The following MYH10 variants were observed in gnomAD, a reference collection of about 807,000 sequenced individuals.
The protein encoded by MYH10 is myosin heavy chain 10.
MYH10 carries 55 observed loss-of-function variants against 257.8 expected under a neutral mutation model. That is an observed-to-expected ratio of 0.21 (90% confidence interval 0.17 to 0.27). The LOEUF (loss-of-function observed/expected upper bound fraction) is 0.27, where lower values mean the gene tolerates loss of function less well. MYH10 is among the 10% of genes least tolerant of loss of function. MYH10 has a pLI of 1.00. For missense variants in MYH10, 1,631 were observed against 2,500.6 expected, an observed-to-expected ratio of 0.65 and a Z score of 7.42; for synonymous variants, 854 against 921.7, an observed-to-expected ratio of 0.93 and a Z score of 1.33.
Position 8,569,846 on chromosome 17 carries a change from G to C in MYH10, c.664-34C>G, listed in dbSNP as rs1567915379. Reference sequence around the variant, plus strand: ...CATTACACACACACAAATAAAAGCAGATGTACGTTAATCTAATGTCTTTAC... The same window carrying C: ...CATTACACACACACAAATAAAAGCACATGTACGTTAATCTAATGTCTTTAC... On this transcript the variant is annotated intron_variant, in intron 6 of 42. Transcript: ENST00000360416. The surrounding 1 kb of genome is among the most constrained non-coding windows in gnomAD (Gnocchi z 4.1). 1 of 1,486,954 alleles carries C rather than the reference G, an allele frequency of 6.7e-7. No individual in the cohort carries two copies. The highest frequency in any genetic ancestry group is 9.2e-7 in the Non-Finnish European group (1 of 1,082,622). The allele number at this position is 1,486,954 out of a possible 1,614,324, so 92.1% of individuals were successfully genotyped here. A position where few individuals can be genotyped will look rare whatever the true frequency, so the allele number is the denominator to read the frequency against.
At chr17:8,510,237 T>A (rs1397675396) in intron 24 of MYH10, among the ~76,000 whole-genome samples, 1 of 151,168 alleles carries the variant, frequency 6.6e-6, no homozygotes, top group African/African-American at 2.4e-5. Flanking sequence ...AGAGATGGGG[T>A]TTCACCATGT....
Position 8,492,494 on chromosome 17 carries a change from TCTC to T in MYH10, c.4471_4473del (p.Glu1491del), listed in dbSNP as rs1915923145. The T allele has an allele frequency of 6.2e-7, 1 of 1,611,614 alleles. No homozygotes were observed. The highest frequency in any genetic ancestry group is 1.3e-5 in the African/African-American group (1 of 74,912). On this transcript the variant is annotated inframe_deletion, in exon 34 of 43. Coordinates refer to ENST00000360416, the MANE Select transcript of MYH10 (RefSeq NM_001256012.3). ...TCGGCATAGCGAGCAGAGATGCTCT[TCTC>T]TTCTGCTAACAGCTGTGCAGAAGGG... is the stretch of plus-strand genomic sequence containing the variant.
At chr17:8,583,694 A>G (rs2152034483) in intron 4 of MYH10, among the ~76,000 whole-genome samples, 1 of 152,356 alleles carries the variant, frequency 6.6e-6, no homozygotes, top group Non-Finnish European at 1.5e-5. Context: ...AACGCATGTT[A>G]TTCCTAGCAG....
intron 13 of MYH10, among the ~76,000 whole-genome samples, chr17:8,543,339 CTG>C (rs1345422787): frequency 1.3e-5 from 2 of 152,244 alleles, no homozygotes; most frequent in East Asian, 1.9e-4. Flanking sequence ...TTGCTCAACA[CTG>C]TATTTCTGGC....
chr17:8,601,871 TA>T (rs1266900224), intron 3 of MYH10, among the ~76,000 whole-genome samples: 5 of 152,196 alleles, frequency 3.3e-5, no homozygotes, highest in Non-Finnish European at 7.3e-5. Context: ...AACTTTTGAA[TA>T]TTTTTTATTA....
chr17:8,594,852 T>C (rs1464668564), intron 3 of MYH10, among the ~76,000 whole-genome samples: 1 of 152,190 alleles, frequency 6.6e-6, no homozygotes, highest in African/African-American at 2.4e-5. Flanking sequence ...GTGTATTGTT[T>C]AGGGAATAAT....
chr17:8,533,751 C>T (rs1177741374), intron 16 of MYH10, among the ~76,000 whole-genome samples: 1 of 152,118 alleles, frequency 6.6e-6, no homozygotes, highest in Non-Finnish European at 1.5e-5. Context: ...TTCACTGTAC[C>T]ATTCCCATGG....
rs1461620406 is a variant in MYH10 at position 8,535,968 on chromosome 17, C to CA, written c.1606-38dup. Reference sequence around the variant, plus strand: ...AGGCAATAAGAATTCACAAGTTTTGCATGCCACTTTAATACTACTGAGTCT... The same window carrying CA: ...AGGCAATAAGAATTCACAAGTTTTGCAATGCCACTTTAATACTACTGAGTCT... On this transcript the variant is annotated intron_variant, in intron 14 of 42. Transcript: ENST00000360416. The surrounding 1 kb of genome is among the most constrained non-coding windows in gnomAD (Gnocchi z 4.3). 6.3e-7 allele frequency: 1 copy of CA among 1,591,498 alleles called. No homozygotes were observed. The highest frequency in any genetic ancestry group is 1.1e-5 in the South Asian group (1 of 89,342).
chr17:8,477,168 C>T lies in MYH10; in HGVS notation c.5707-120G>A, dbSNP rs1418575774. On this transcript the variant is annotated intron_variant, in intron 41 of 42. Coordinates refer to ENST00000360416, the MANE Select transcript of MYH10 (RefSeq NM_001256012.3). The surrounding 1 kb of genome is among the most constrained non-coding windows in gnomAD (Gnocchi z 4.2). ...TTACCCTTGTGAGCACGCGTGTACACGGATGTACACGCGTGCCTGGGGGCT... is the reference window on the plus strand; with the variant it reads ...TTACCCTTGTGAGCACGCGTGTACATGGATGTACACGCGTGCCTGGGGGCT... 9.5e-6 allele frequency: 10 copies of T among 1,055,574 alleles called. No individual in the cohort carries two copies. Among genetic ancestry groups the T allele is most frequent in the South Asian group, 1.6e-5 (1 of 63,142 alleles). 65.4% of individuals were successfully genotyped at this position (1,055,574 alleles called of 1,614,324 possible).
chr17:8,494,164 C>T (rs576916333), intron 31 of MYH10, among the ~76,000 whole-genome samples: 5 of 152,120 alleles, frequency 3.3e-5, no homozygotes, highest in Admixed American at 6.5e-5. Flanking sequence ...GCCTCCCCTC[C>T]TGCGTCCCCC....
chr17:8,588,484 C>T (rs1597905521), intron 4 of MYH10, among the ~76,000 whole-genome samples: 3 of 152,154 alleles, frequency 2.0e-5, no homozygotes, highest in Non-Finnish European at 4.4e-5. Flanking sequence ...TGTAAATCAC[C>T]AAGTCTTGGT....
At chr17:8,612,599 G>C (rs12944908) in intron 2 of MYH10, among the ~76,000 whole-genome samples, 46,341 of 151,804 alleles carry the variant, frequency 0.31, 7,231 homozygotes, top group Admixed American at 0.38. Flanking sequence ...ACCTGTAATC[G>C]CAGCACTTTG....
chr17:8,489,335 G>T (rs1915372710), intron 35 of MYH10, among the ~76,000 whole-genome samples: 1 of 152,174 alleles, frequency 6.6e-6, no homozygotes, highest in South Asian at 2.1e-4. Flanking sequence ...TGTTAAGTTT[G>T]GGGTAATTTC....
At chr17:8,593,863 G>T (rs1054494907) in intron 3 of MYH10, among the ~76,000 whole-genome samples, 2 of 152,048 alleles carry the variant, frequency 1.3e-5, no homozygotes, top group South Asian at 4.1e-4. Flanking sequence ...AAAGACAAAG[G>T]AACTAAAATA....
chr17:8,626,668 C>T (rs1326591074), intron 1 of MYH10, among the ~76,000 whole-genome samples: 2 of 150,106 alleles, frequency 1.3e-5, no homozygotes, highest in East Asian at 3.9e-4. Context: ...AGGTGGGAAA[C>T]ATCACAGGTA....
At chr17:8,479,324 T>A (rs1913263834) in intron 40 of MYH10, among the ~76,000 whole-genome samples, 1 of 152,164 alleles carries the variant, frequency 6.6e-6, no homozygotes, top group African/African-American at 2.4e-5. Context: ...TCGTCCCATA[T>A]GAAGGAGAGG....
At position 8,504,363 on chromosome 17, in the gene MYH10, CCTAT is replaced by C. The variant is rs1255760316; in HGVS notation, c.3599+327_3599+330del. Among the ~76,000 whole-genome samples the C allele has an allele frequency of 6.6e-6, 1 of 152,154 alleles. No homozygotes were observed. Among genetic ancestry groups the C allele is most frequent in the African/African-American group, 2.4e-5 (1 of 41,408 alleles). On this transcript the variant is annotated intron_variant, in intron 28 of 42. Coordinates refer to ENST00000360416, the MANE Select transcript of MYH10 (RefSeq NM_001256012.3). This position sits in a 1 kb window ranked among gnomAD's most constrained non-coding sequence, Gnocchi z 5.6. Reference sequence around the variant, plus strand: ...CTGTGTTTACCCTTCTCCCTCTGGTCCTATCTATCTAAATCTCTTTTCACTGCCC... The same window carrying C: ...CTGTGTTTACCCTTCTCCCTCTGGTCCTATCTAAATCTCTTTTCACTGCCC...
At chr17:8,626,543 G>A (rs907134235) in intron 1 of MYH10, among the ~76,000 whole-genome samples, 33 of 148,048 alleles carry the variant, frequency 2.2e-4, no homozygotes, top group Non-Finnish European at 3.9e-4. Flanking sequence ...CTCCAGCCTC[G>A]GCAACAGAAT....
chr17:8,604,707 T>A, intron 3 of MYH10, 119 bp downstream of exon 3: 1 of 743,030 alleles, frequency 1.3e-6, no homozygotes, highest in East Asian at 3.4e-5. Flanking sequence ...TAAACATTAC[T>A]TTTTTATTAA....
Sources: gnomAD v4.1 joint callset for allele counts (sites outside exome capture counted in the v4.1 genomes callset) on GRCh38, gnomAD v4.1.1 for gene constraint, Gnocchi (gnomAD v3.1) non-coding constraint, MANE v1.5 for transcripts, NCBI Gene and HGNC (gene_info 2026-07-23, HGNC 2026-07-21) for gene names.